The following NCK1 variants were observed in gnomAD, a reference collection of about 807,000 sequenced individuals.
NCK1 encodes SH2/SH3 adapter protein NCK1.
Under a neutral mutation model 36.6 loss-of-function variants are expected in NCK1, and 19 were observed. The ratio of observed to expected loss-of-function variants is 0.52; its 90% CI spans 0.36 to 0.76. The LOEUF (loss-of-function observed/expected upper bound fraction) is 0.76. NCK1 is among the 30% of genes least tolerant of loss of function. The pLI is 0.00. For synonymous variants in NCK1, 165 were observed against 156.0 expected (o/e 1.06, Z -0.43); for missense variants, 358 against 445.6 (o/e 0.80, Z 1.77).
chr3:136,949,992 T>C lies in NCK1; in HGVS notation c.*1539T>C, dbSNP rs912345147. ...ATTTTCATCTCTATTACATCTGCTT[T>C]TAAAACATTTTAGTTCATATTCTAT... On this transcript the variant is annotated 3_prime_UTR_variant, in exon 4 of 4. Coordinates refer to ENST00000481752, the MANE Select transcript of NCK1 (RefSeq NM_001291999.2). 2.6e-5 allele frequency among the ~76,000 whole-genome samples: 4 copies of C among 152,096 alleles called. No homozygotes were observed. Among genetic ancestry groups the C allele is most frequent in the African/African-American group, 7.2e-5 (3 of 41,432 alleles).
At chr3:136,907,073 G>T (rs1165732534) in intron 1 of NCK1, among the ~76,000 whole-genome samples, 1 of 152,182 alleles carries the variant, frequency 6.6e-6, no homozygotes, top group African/African-American at 2.4e-5. Flanking sequence ...GAAGGGTGGG[G>T]TTGCTGTCAG....
At chr3:136,881,067 T>C (rs1938919598) in intron 1 of NCK1, among the ~76,000 whole-genome samples, 1 of 152,164 alleles carries the variant, frequency 6.6e-6, no homozygotes, top group South Asian at 2.1e-4. Flanking sequence ...TACCTTTCTT[T>C]TCCTCATTCT....
intron 1 of NCK1, among the ~76,000 whole-genome samples, chr3:136,881,216 C>T (rs1377094272): frequency 6.6e-6 from 1 of 151,826 alleles, no homozygotes; most frequent in Non-Finnish European, 1.5e-5. Context: ...CTATTGGCCT[C>T]TTATTTTATT....
chr3:136,942,881 A>G (rs1344470598), intron 2 of NCK1, among the ~76,000 whole-genome samples: 1 of 152,214 alleles, frequency 6.6e-6, no homozygotes, highest in African/African-American at 2.4e-5. Context: ...GAATGATTCA[A>G]GTCAGGCAAA....
At chr3:136,918,028 T>C (rs948215733) in intron 1 of NCK1, among the ~76,000 whole-genome samples, 2 of 152,234 alleles carry the variant, frequency 1.3e-5, no homozygotes, top group Non-Finnish European at 2.9e-5. Flanking sequence ...ATTCTTTTTG[T>C]TCTTTACACC....
Position 136,945,938 on chromosome 3 carries a change from G to T in NCK1, c.582G>T (p.Val194=). ...TAAATACTGGGCAAGTGTTGCATGT[G>T]GTACAGGCTCTTTACCCATTCAGCT... ...NNLNTGQVLH[V]VQALYPFSSS... is the part of the protein sequence containing the mutation. Residue 194 remains valine (V), a synonymous_variant, in exon 3 of 4, where the codon GTG becomes GTT. Coordinates refer to ENST00000481752, the MANE Select transcript of NCK1 (RefSeq NM_001291999.2). The T allele has an allele frequency of 6.2e-7, 1 of 1,613,960 alleles. No homozygotes were observed. Among genetic ancestry groups the T allele is most frequent in the South Asian group, 1.1e-5 (1 of 91,064 alleles).
At chr3:136,900,497 A>C (rs1284398311) in intron 1 of NCK1, among the ~76,000 whole-genome samples, 1 of 152,168 alleles carries the variant, frequency 6.6e-6, no homozygotes, top group African/African-American at 2.4e-5. Context: ...ATTGCATTGA[A>C]AATGTAGATT....
intron 1 of NCK1, among the ~76,000 whole-genome samples, chr3:136,887,374 C>G (rs761404166): frequency 6.6e-6 from 1 of 152,012 alleles, no homozygotes; most frequent in Non-Finnish European, 1.5e-5. Context: ...GTTACTGTTG[C>G]CTTTTCTCCT....
chr3:136,901,720 G>A (rs373775669), intron 1 of NCK1, among the ~76,000 whole-genome samples: 2 of 152,084 alleles, frequency 1.3e-5, no homozygotes, highest in African/African-American at 2.4e-5. Context: ...TGTGGAATTA[G>A]TTGTAATGTC....
intron 1 of NCK1, among the ~76,000 whole-genome samples, chr3:136,903,578 C>T (rs1319866906): frequency 1.3e-5 from 2 of 152,102 alleles, no homozygotes; most frequent in Non-Finnish European, 2.9e-5. Flanking sequence ...GCACCTGCCA[C>T]CACGCCTGGC....
At chr3:136,892,433 G>A (rs890078963) in intron 1 of NCK1, among the ~76,000 whole-genome samples, 5 of 152,182 alleles carry the variant, frequency 3.3e-5, no homozygotes, top group Non-Finnish European at 7.3e-5. Flanking sequence ...GTGGGCTCTG[G>A]TAATCACAAG....
intron 1 of NCK1, among the ~76,000 whole-genome samples, chr3:136,891,613 A>G (rs1461856512): frequency 6.6e-6 from 1 of 152,234 alleles, no homozygotes; most frequent in African/African-American, 2.4e-5. Flanking sequence ...GAACTGCCAT[A>G]TGGGTTTCCA....
chr3:136,899,002 A>G (rs1386262725), intron 1 of NCK1: 1 of 156,414 alleles, frequency 6.4e-6, no homozygotes, highest in Non-Finnish European at 1.4e-5. Context: ...TATAAACACA[A>G]ATCAAATATA....
At chr3:136,867,096 CTTTCTTTCTTTCTTTCTTTCTTTGTTTCT>C (rs1560028399) in intron 1 of NCK1, among the ~76,000 whole-genome samples, 10 of 47,112 alleles carry the variant, frequency 2.1e-4, no homozygotes, top group East Asian at 6.4e-4. Flanking sequence ...TTCTTTCTTT[CTTTCTTTCTTTCTTTCTTTCTTTGTTTCT>C]TTCTTTCCTT....
intron 1 of NCK1, among the ~76,000 whole-genome samples, chr3:136,912,162 C>CTTTTT (rs57596314): frequency 5.5e-5 from 7 of 128,196 alleles, no homozygotes; most frequent in Admixed American, 7.9e-5. Flanking sequence ...ATTATTTTTT[C>CTTTTT]TTTTTTTTTT....
At chr3:136,940,272 T>C (rs1209298125) in intron 2 of NCK1, among the ~76,000 whole-genome samples, 2 of 152,222 alleles carry the variant, frequency 1.3e-5, no homozygotes, top group African/African-American at 2.4e-5. Context: ...GGATATTCTC[T>C]ATATGTCTAT....
At chr3:136,925,878 G>T (rs773378416) in intron 1 of NCK1, among the ~76,000 whole-genome samples, 3 of 152,128 alleles carry the variant, frequency 2.0e-5, no homozygotes, top group Non-Finnish European at 4.4e-5. Flanking sequence ...TTGTATGGTA[G>T]TTGCATGTTT....
rs140416859 is a variant in NCK1 at position 136,940,074 on chromosome 3, G to C, written c.227-5509G>C. ...GACAAGGTCTCACCATCTTGCCCAG[G>C]CTGCCGTCAGACTCCTGGGCTCAAG... On this transcript the variant is annotated intron_variant, in intron 2 of 3. Transcript: ENST00000481752. Among the ~76,000 whole-genome samples the C allele has an allele frequency of 2.5e-3, 373 of 151,992 alleles. 1 individual carries two copies. Among genetic ancestry groups the C allele is most frequent in the African/African-American group, 7.7e-3 (320 of 41,472 alleles).
At chr3:136,920,395 T>A (rs4678274) in intron 1 of NCK1, among the ~76,000 whole-genome samples, 32 of 151,972 alleles carry the variant, frequency 2.1e-4, no homozygotes, top group Non-Finnish European at 4.4e-5. Context: ...ATTCATTCAC[T>A]TATTCACTCA....
Sources: allele counts gnomAD v4.1 joint callset (sites outside exome capture counted in the v4.1 genomes callset), GRCh38; gene constraint gnomAD v4.1.1; transcripts MANE v1.5; gene names NCBI Gene and HGNC (gene_info 2026-07-23, HGNC 2026-07-21).